The following LRFN5 variants were observed in gnomAD, a reference collection of about 807,000 sequenced individuals.
LRFN5 encodes the protein leucine rich repeat and fibronectin type III domain containing 5.
Under a neutral mutation model 45.6 loss-of-function variants are expected in LRFN5, and 24 were observed. The observed-to-expected ratio is 0.53, with a 90% CI of 0.38 to 0.74. The LOEUF is 0.74. Ranked by LOEUF, LRFN5 falls within the 30% of genes least tolerant of loss-of-function variation. The probability of loss-of-function intolerance (pLI) is 0.00; values close to 1 mark genes in which losing one functional copy is unlikely to be tolerated. For missense variants in LRFN5, 776 were observed against 861.5 expected (o/e 0.90, Z 1.24); for synonymous variants, 340 against 313.8 (o/e 1.08, Z -0.88).
At chr14:41,742,260 A>G (rs1375764858) in intron 1 of LRFN5, among the ~76,000 whole-genome samples, 1 of 151,600 alleles carries the variant, frequency 6.6e-6, no homozygotes, top group Non-Finnish European at 1.5e-5. Context: ...TATAGAAGCA[A>G]TAGAAGCAAC....
intron 2 of LRFN5, among the ~76,000 whole-genome samples, chr14:41,848,445 G>A (rs1889145215): frequency 1.3e-5 from 2 of 151,938 alleles, no homozygotes; most frequent in African/African-American, 2.4e-5. Flanking sequence ...TGGGGCAATT[G>A]AGTTGTACAG....
At chr14:41,673,214 C>G (rs1182656409) in intron 1 of LRFN5, among the ~76,000 whole-genome samples, 1 of 152,050 alleles carries the variant, frequency 6.6e-6, no homozygotes, top group African/African-American at 2.4e-5. Context: ...ATGGCCCGTT[C>G]TCAATGAGCT....
chr14:41,667,261 C>G lies in LRFN5; in HGVS notation c.-197+58699C>G, dbSNP rs563272096. Among the ~76,000 whole-genome samples, 3 of 152,110 alleles carry G rather than the reference C, an allele frequency of 2.0e-5. No homozygotes were observed. In the East Asian group the frequency reaches 5.8e-4, roughly 29 times the overall value. On this transcript the variant is annotated intron_variant, in intron 1 of 5. Transcript: ENST00000298119. ...TTCCTCACGCTACATTCCTGAATTT[C>G]TCATGGGTATTTTTACTGCACACAC...
intron 2 of LRFN5, among the ~76,000 whole-genome samples, chr14:41,865,355 G>A (rs745530002): frequency 6.6e-6 from 1 of 152,090 alleles, no homozygotes; most frequent in Non-Finnish European, 1.5e-5. Context: ...CTGTTTTTAT[G>A]TAGCATGATT....
intron 3 of LRFN5, among the ~76,000 whole-genome samples, chr14:41,889,943 A>G (rs763154815): frequency 5.3e-5 from 8 of 152,126 alleles, no homozygotes; most frequent in Non-Finnish European, 1.0e-4. Flanking sequence ...GGCTCACTGC[A>G]ACCTCTGCCT....
intron 2 of LRFN5, among the ~76,000 whole-genome samples, chr14:41,845,136 G>A (rs1247853625): frequency 3.1e-5 from 3 of 96,524 alleles, no homozygotes; most frequent in African/African-American, 1.4e-4. Flanking sequence ...ACTGCTGGGG[G>A]AAAACATGAG....
intron 4 of LRFN5, chr14:41,893,860 A>G (rs1890859903): frequency 1.0e-6 from 1 of 985,204 alleles, no homozygotes; most frequent in Non-Finnish European, 1.2e-6. Flanking sequence ...AAGTCTAATT[A>G]TCCTTCACTG....
Position 41,887,372 on chromosome 14 carries a change from GT to G in LRFN5, c.748del (p.Trp250GlyfsTer2). The stretch of plus-strand genomic sequence containing the variant: ...CCTTGCATTGCAATTGTGAATTGTT[GT>G]GGTTGAGGCGTCTGTCCAGAGAAGA... Reference protein sequence around the residue: ...NPLHCNCELLWLRRLSREDDL... With the variant: ...NPLHCNCELLXLRRLSREDDL... On this transcript the variant is annotated frameshift_variant, in exon 3 of 6. Coordinates refer to ENST00000298119, the MANE Select transcript of LRFN5 (RefSeq NM_152447.5). LOFTEE classifies it high-confidence loss of function. This position sits in a 1 kb window ranked among gnomAD's most constrained non-coding sequence, Gnocchi z 4.8. 1 of 1,614,172 alleles carries G rather than the reference GT, an allele frequency of 6.2e-7. No individual in the cohort carries two copies. Among genetic ancestry groups the G allele is most frequent in the Non-Finnish European group, 8.5e-7 (1 of 1,180,030 alleles).
chr14:41,693,162 T>C (rs1882456227), intron 1 of LRFN5, among the ~76,000 whole-genome samples: 2 of 152,046 alleles, frequency 1.3e-5, no homozygotes, highest in Admixed American at 6.6e-5. Context: ...TGAAATCAAG[T>C]AGTGCAAGTG....
At chr14:41,632,936 C>A (rs1258560719) in intron 1 of LRFN5, among the ~76,000 whole-genome samples, 1 of 151,954 alleles carries the variant, frequency 6.6e-6, no homozygotes, top group East Asian at 1.9e-4. Flanking sequence ...TGAATTGATA[C>A]CCCATTTATA....
intron 1 of LRFN5, among the ~76,000 whole-genome samples, chr14:41,757,261 A>C (rs1408233265): frequency 1.3e-5 from 2 of 152,140 alleles, no homozygotes; most frequent in African/African-American, 4.8e-5. Flanking sequence ...GCGTGCTGGG[A>C]GAACCACTAC....
chr14:41,855,586 A>T (rs971981442), intron 2 of LRFN5, among the ~76,000 whole-genome samples: 1 of 152,164 alleles, frequency 6.6e-6, no homozygotes, highest in Admixed American at 6.5e-5. Context: ...ATAACTAAAT[A>T]TTTTAGCCAT....
chr14:41,887,123 T>C lies in LRFN5; in HGVS notation c.498T>C (p.Ala166=). Reference sequence around the variant, plus strand: ...ATCTAGAAACCATTCCTTGGGATGCTGTTGAGAAGATGGTTAGCTTGCATA... The same window carrying C: ...ATCTAGAAACCATTCCTTGGGATGCCGTTGAGAAGATGGTTAGCTTGCATA... ...YNNLETIPWD[A]VEKMVSLHTL... is the part of the protein sequence containing the mutation. The change falls in exon 3 of 6, where the codon GCT becomes GCC. Residue 166 remains alanine (A), a synonymous_variant. Transcript: ENST00000298119. This position sits in a 1 kb window ranked among gnomAD's most constrained non-coding sequence, Gnocchi z 4.8. The C allele has an allele frequency of 6.2e-7, 1 of 1,614,078 alleles. No individual in the cohort carries two copies. The highest frequency in any genetic ancestry group is 8.5e-7 in the Non-Finnish European group (1 of 1,180,022).
At chr14:41,893,199 A>C in intron 4 of LRFN5, 1 of 978,824 alleles carries the variant, frequency 1.0e-6, no homozygotes. Context: ...AGAATACATA[A>C]TTTTTTAAAA....
At chr14:41,678,038 A>G (rs940823710) in intron 1 of LRFN5, among the ~76,000 whole-genome samples, 2 of 152,064 alleles carry the variant, frequency 1.3e-5, no homozygotes, top group East Asian at 3.9e-4. Context: ...AAACTTAAAA[A>G]TTCAACTAAA....
intron 3 of LRFN5, among the ~76,000 whole-genome samples, chr14:41,890,865 A>G (rs1890756646): frequency 6.6e-6 from 1 of 151,994 alleles, no homozygotes; most frequent in South Asian, 2.1e-4. Flanking sequence ...CCTTCCTTCA[A>G]ATTTGCTTTT....
chr14:41,606,946 C>A lies in LRFN5; in HGVS notation c.-1813C>A, dbSNP rs968313436. On this transcript the variant is annotated 5_prime_UTR_variant, in exon 1 of 6. Transcript: ENST00000298119. ...GCGGCCAGGAGGCCGCCGTTGCCCA[C>A]ACGCGACGCTTTGGGAAGCCCAGCT... Among the ~76,000 whole-genome samples, 1 of 151,972 alleles carries A rather than the reference C, an allele frequency of 6.6e-6. No individual in the cohort carries two copies. The highest frequency in any genetic ancestry group is 2.4e-5 in the African/African-American group (1 of 41,416).
In LRFN5 at chr14:41,817,901, G is replaced by A. The variant is rs186731054; in HGVS notation, c.-21+50872G>A. ...TCCTATATAGATAGTGGTTCCTTCT[G>A]AGGTTTGTGGGCTTGGTTTCTGCTC... On this transcript the variant is annotated intron_variant, in intron 2 of 5. Transcript: ENST00000298119. 3.8e-4 allele frequency among the ~76,000 whole-genome samples: 58 copies of A among 152,200 alleles called. 1 individual carries two copies. In the East Asian group the frequency reaches 0.011, roughly 28 times the overall value.
chr14:41,650,311 T>C (rs1004053304), intron 1 of LRFN5, among the ~76,000 whole-genome samples: 49 of 149,294 alleles, frequency 3.3e-4, no homozygotes, highest in African/African-American at 1.2e-3. Context: ...GATAGAGGTT[T>C]AATTTACCTA....
Sources: gnomAD v4.1 joint callset for allele counts (sites outside exome capture counted in the v4.1 genomes callset) on GRCh38, gnomAD v4.1.1 for gene constraint, Gnocchi (gnomAD v3.1) non-coding constraint, MANE v1.5 for transcripts, NCBI Gene and HGNC (gene_info 2026-07-23, HGNC 2026-07-21) for gene names.